Variants in DACH2 observed in about 807,000 individuals in gnomAD.
DACH2 encodes the protein dachshund family transcription factor 2, also known as dachshund homolog 2.
A neutral mutation model predicts 35.8 loss-of-function variants in DACH2; 17 were observed. The ratio of observed to expected loss-of-function variants is 0.48; its 90% CI spans 0.33 to 0.71. The LOEUF (loss-of-function observed/expected upper bound fraction) is 0.71, where lower values mean the gene tolerates loss of function less well. DACH2 is among the 30% of genes least tolerant of loss of function. DACH2 has a pLI of 0.02. For missense variants in DACH2, 469 were observed against 472.7 expected (o/e 0.99, Z 0.07); for synonymous variants, 195 against 177.3 (o/e 1.10, Z -0.79).
intron 2 of DACH2, among the ~76,000 whole-genome samples, chrX:86,418,368 G>A (rs997580867): frequency 1.8e-5 from 2 of 112,303 alleles, no homozygotes; most frequent in East Asian, 5.7e-4. Context: ...TTCTCCATGA[G>A]AACCCTTTCC....
chrX:86,482,767 T>G (rs2037957447), intron 2 of DACH2, among the ~76,000 whole-genome samples: 1 of 110,332 alleles, frequency 9.1e-6, no homozygotes, highest in South Asian at 3.9e-4. Flanking sequence ...TGGTTTTGAT[T>G]TGCATAATGT....
intron 3 of DACH2, among the ~76,000 whole-genome samples, chrX:86,597,382 A>C (rs769210933): frequency 1.8e-5 from 2 of 111,451 alleles, no homozygotes; most frequent in Admixed American, 1.9e-4. Flanking sequence ...ATTTTTATTA[A>C]TCTCAAACTA....
chrX:86,245,809 A>G (rs2033269884), intron 1 of DACH2, among the ~76,000 whole-genome samples: 1 of 112,000 alleles, frequency 8.9e-6, no homozygotes, highest in Non-Finnish European at 1.9e-5. Context: ...CTCTCCAGCC[A>G]TGATTTTTAA....
intron 1 of DACH2, among the ~76,000 whole-genome samples, chrX:86,256,812 G>C (rs779877125): frequency 9.0e-6 from 1 of 111,208 alleles, no homozygotes; most frequent in African/African-American, 3.3e-5. Context: ...TAAGGTATGA[G>C]AATTTTTGTG....
chrX:86,232,642 C>T (rs1017813692), intron 1 of DACH2, among the ~76,000 whole-genome samples: 4 of 111,523 alleles, frequency 3.6e-5, no homozygotes, highest in African/African-American at 1.3e-4. Context: ...AACAAGATAC[C>T]ATCTCACACC....
chrX:86,524,379 G>T (rs981560934), intron 3 of DACH2, among the ~76,000 whole-genome samples: 1 of 112,063 alleles, frequency 8.9e-6, no homozygotes, highest in Non-Finnish European at 1.9e-5. Context: ...GTTTTTAAAT[G>T]AGCAATATTG....
At chrX:86,213,788 G>T (rs2032504947) in intron 1 of DACH2, among the ~76,000 whole-genome samples, 2 of 110,726 alleles carry the variant, frequency 1.8e-5, no homozygotes, top group Non-Finnish European at 3.8e-5. Flanking sequence ...TTTCTTCCCT[G>T]TCTTAAAATT....
intron 2 of DACH2, among the ~76,000 whole-genome samples, chrX:86,489,483 T>C (rs1569419105): frequency 9.0e-6 from 1 of 111,174 alleles, no homozygotes; most frequent in Non-Finnish European, 1.9e-5. Context: ...ACTATAATAA[T>C]ATACTGTATA....
chrX:86,312,474 G>T (rs1158501982), intron 1 of DACH2, among the ~76,000 whole-genome samples: 1 of 111,532 alleles, frequency 9.0e-6, no homozygotes, highest in Admixed American at 9.6e-5. Flanking sequence ...TTAATACTGA[G>T]TGTCAACTTG....
chrX:86,762,941 C>T (rs911880756), intron 7 of DACH2, among the ~76,000 whole-genome samples: 4 of 111,632 alleles, frequency 3.6e-5, no homozygotes, highest in Non-Finnish European at 7.5e-5. Context: ...ACCATCCCCA[C>T]ATCACCCCCA....
chrX:86,331,845 C>T (rs762323778), intron 1 of DACH2, among the ~76,000 whole-genome samples: 1 of 111,378 alleles, frequency 9.0e-6, no homozygotes, highest in South Asian at 3.8e-4. Context: ...CAGCAACCTG[C>T]TCATGCTAGT....
intron 2 of DACH2, among the ~76,000 whole-genome samples, chrX:86,435,096 G>A: frequency 9.0e-6 from 1 of 111,264 alleles, no homozygotes; most frequent in Admixed American, 9.6e-5. Flanking sequence ...TCCAGCATTG[G>A]GGATTACAAT....
chrX:86,161,075 A>C, intron 1 of DACH2: 1 of 1,072,585 alleles, frequency 9.3e-7, no homozygotes. Flanking sequence ...TCCAACCAGA[A>C]ATTGGCACAA....
chrX:86,721,725 G>A (rs772450852), intron 6 of DACH2, among the ~76,000 whole-genome samples: 4 of 111,448 alleles, frequency 3.6e-5, no homozygotes, highest in Non-Finnish European at 7.5e-5. Flanking sequence ...TCATTCTCAT[G>A]ATGCTATGAG....
At chrX:86,393,247 C>A (rs1233966270) in intron 2 of DACH2, among the ~76,000 whole-genome samples, 2 of 111,172 alleles carry the variant, frequency 1.8e-5, no homozygotes, top group African/African-American at 3.3e-5. Context: ...TGTCTCTCTA[C>A]CTGAAACACA....
At chrX:86,520,055 T>C (rs2148276499) in intron 3 of DACH2, among the ~76,000 whole-genome samples, 1 of 111,763 alleles carries the variant, frequency 8.9e-6, no homozygotes, top group African/African-American at 3.2e-5. Context: ...GTATGAATTT[T>C]CCTCTTAATA....
chrX:86,499,636 T>C (rs2148254946), intron 2 of DACH2, among the ~76,000 whole-genome samples: 1 of 111,738 alleles, frequency 8.9e-6, no homozygotes. Flanking sequence ...GAAAAATGGC[T>C]TTTCACGTGT....
chrX:86,493,020 A>C (rs2038115456), intron 2 of DACH2, among the ~76,000 whole-genome samples: 1 of 111,682 alleles, frequency 9.0e-6, no homozygotes, highest in Non-Finnish European at 1.9e-5. Flanking sequence ...TTCTTTGAGA[A>C]ATCGCCAAAG....
Position 86,487,816 on chromosome X carries a change from T to G in DACH2, c.528-26463T>G, listed in dbSNP as rs142300865. 2.1e-3 allele frequency among the ~76,000 whole-genome samples: 236 copies of G among 112,003 alleles called. 2 individuals are homozygous for G. In the Middle Eastern group the frequency reaches 0.023, roughly 11 times the overall value. ...ACTTATTATAAAAGTCCAAAAATAT[T>G]TCTCCACGAAGTAAAAGGTGCAAAA... On this transcript the variant is annotated intron_variant, in intron 2 of 11. Coordinates refer to ENST00000373125, the MANE Select transcript of DACH2 (RefSeq NM_053281.3).
Sources: allele counts gnomAD v4.1 joint callset (sites outside exome capture counted in the v4.1 genomes callset), GRCh38; gene constraint gnomAD v4.1.1; transcripts MANE v1.5; gene names NCBI Gene and HGNC (gene_info 2026-07-23, HGNC 2026-07-21).